EHMT1: variants seen among roughly 807,000 people sequenced by gnomAD.
EHMT1 encodes histone-lysine N-methyltransferase EHMT1.
EHMT1 carries 15 observed loss-of-function variants against 147.2 expected under a neutral mutation model. The ratio of observed to expected loss-of-function variants is 0.10; its 90% CI spans 0.07 to 0.16. The LOEUF (loss-of-function observed/expected upper bound fraction) is 0.16. EHMT1 is among the 10% of genes least tolerant of loss of function. EHMT1 has a pLI of 1.00. For missense variants in EHMT1, 1,587 were observed against 1,772.4 expected (o/e 0.90, Z 1.88); for synonymous variants, 795 against 709.6 (o/e 1.12, Z -1.91).
In EHMT1 at chr9:137,798,909, T is replaced by G. The variant is rs1335937202; in HGVS notation, c.2602T>G (p.Cys868Gly). 6.2e-7 allele frequency: 1 copy of G among 1,613,440 alleles called. No individual in the cohort carries two copies. The highest frequency in any genetic ancestry group is 8.5e-7 in the Non-Finnish European group (1 of 1,179,404). Residue 868 changes from cysteine to glycine, a missense_variant, in exon 17 of 27, where the codon TGT becomes GGT. By Grantham distance (159) the Cys-to-Gly change is radical. Coordinates refer to ENST00000460843, the MANE Select transcript of EHMT1 (RefSeq NM_024757.5). ...LLSNGQMDVNCQDDGGWTPMI... is the reference protein window; with the variant it reads ...LLSNGQMDVNGQDDGGWTPMI... ...TTCAAATGGACAGATGGACGTCAAC[T>G]GTCAGGTACAGCCACCCCCTCCCCT...
rs945135952 is a variant in EHMT1, at chr9:137,782,492, A to G, written c.2382+95A>G. 4.1e-6 allele frequency: 5 copies of G among 1,206,672 alleles called. No individual in the cohort carries two copies. The highest frequency in any genetic ancestry group is 1.3e-5 in the South Asian group (1 of 76,788). The allele number at this position is 1,206,672 out of a possible 1,614,324, so 74.7% of individuals were successfully genotyped here. A position where few individuals can be genotyped will look rare whatever the true frequency, so the allele number is the denominator to read the frequency against. On this transcript the variant is annotated intron_variant, in intron 15 of 26. Transcript: ENST00000460843. The surrounding 1 kb of genome is among the most constrained non-coding windows in gnomAD (Gnocchi z 5.7). ...ACCACGTTCGCGGTTCTTCCAGTGTAAGAGTTCCGTAGTGCTGTGAATCGG... is the reference window on the plus strand; with the variant it reads ...ACCACGTTCGCGGTTCTTCCAGTGTGAGAGTTCCGTAGTGCTGTGAATCGG...
chr9:137,642,948 C>T (rs536706034), intron 1 of EHMT1, among the ~76,000 whole-genome samples: 46 of 152,180 alleles, frequency 3.0e-4, no homozygotes, highest in Non-Finnish European at 5.9e-4. Context: ...GTGGCACAAT[C>T]ATAGCACTGC....
intron 10 of EHMT1, among the ~76,000 whole-genome samples, chr9:137,766,151 G>A (rs530714542): frequency 2.6e-5 from 4 of 152,320 alleles, no homozygotes; most frequent in Admixed American, 2.6e-4. Context: ...TGAGTGTGGG[G>A]AGGGTTTAGC....
chr9:137,723,460 T>C (rs1946284820), intron 3 of EHMT1, among the ~76,000 whole-genome samples: 1 of 136,986 alleles, frequency 7.3e-6, no homozygotes, highest in Non-Finnish European at 1.6e-5. Flanking sequence ...GTGTCTGTGG[T>C]TCTGGGCCTG....
intron 25 of EHMT1, among the ~76,000 whole-genome samples, chr9:137,825,422 T>G (rs1955744012): frequency 6.6e-6 from 1 of 152,190 alleles, no homozygotes; most frequent in Admixed American, 6.5e-5. Context: ...CATCTGGCCT[T>G]TACCATTTCC....
intron 1 of EHMT1, among the ~76,000 whole-genome samples, chr9:137,668,902 T>C (rs532142797): frequency 6.6e-6 from 1 of 152,296 alleles, no homozygotes; most frequent in South Asian, 2.1e-4. Context: ...TTTTCTTTTT[T>C]TGGAGACGGA....
In EHMT1 at chr9:137,768,442, C is replaced by T. The variant is rs1293794068; in HGVS notation, c.1647+5622C>T. Among the ~76,000 whole-genome samples the T allele has an allele frequency of 4.7e-5, 7 of 147,862 alleles. No homozygotes were observed. The East Asian group carries it at 9.8e-4, about 21-fold the overall frequency. On this transcript the variant is annotated intron_variant, in intron 10 of 26. Transcript: ENST00000460843. ...GATCTCGGCTCACTGCAATCGCTGC[C>T]TCCCAGGTTCAAGCGATTCTTTTGC...
At chr9:137,619,140 G>A in intron 1 of EHMT1, 91 bp downstream of exon 1, 1 of 336,684 alleles carries the variant, frequency 3.0e-6, no homozygotes, top group Non-Finnish European at 4.1e-6. Context: ...GGCGGCGGCA[G>A]GCGGCCGGCG....
chr9:137,660,506 G>A (rs753651661), intron 1 of EHMT1, among the ~76,000 whole-genome samples: 3 of 151,958 alleles, frequency 2.0e-5, no homozygotes, highest in Non-Finnish European at 4.4e-5. Flanking sequence ...TCACTCTCTT[G>A]GCCAGACTGG....
intron 1 of EHMT1, among the ~76,000 whole-genome samples, chr9:137,691,022 C>T (rs1942884180): frequency 1.3e-5 from 2 of 152,298 alleles, no homozygotes; most frequent in South Asian, 4.1e-4. Context: ...CATTGTGCTG[C>T]TGTTACCACC....
chr9:137,674,227 G>A (rs1021146518), intron 1 of EHMT1, among the ~76,000 whole-genome samples: 2 of 152,152 alleles, frequency 1.3e-5, no homozygotes, highest in Non-Finnish European at 2.9e-5. Flanking sequence ...GGGGCTGCAC[G>A]TGTGACCCGC....
chr9:137,723,907 CA>C (rs1179503765), intron 3 of EHMT1, among the ~76,000 whole-genome samples: 2 of 152,226 alleles, frequency 1.3e-5, no homozygotes, highest in Non-Finnish European at 2.9e-5. Context: ...TAATCCCCAT[CA>C]TAAAGCCCCA....
At chr9:137,807,484 TA>T (rs1954046344) in intron 18 of EHMT1, among the ~76,000 whole-genome samples, 1 of 127,558 alleles carries the variant, frequency 7.8e-6, no homozygotes, top group Non-Finnish European at 1.5e-5. Flanking sequence ...TTTACTTATT[TA>T]TTTATTTATT....
chr9:137,743,237 T>C, intron 4 of EHMT1, 134 bp from the exon 5 acceptor site: 1 of 1,081,996 alleles, frequency 9.2e-7, no homozygotes, highest in Non-Finnish European at 1.3e-6. Flanking sequence ...CTGCGGGCAG[T>C]GGGCCTGTTG....
At chr9:137,692,218 G>A (rs532483050) in intron 1 of EHMT1, among the ~76,000 whole-genome samples, 79 of 151,742 alleles carry the variant, frequency 5.2e-4, no homozygotes, top group African/African-American at 1.9e-3. Context: ...ATGGCATGTC[G>A]TCACTAGATG....
At chr9:137,653,071 G>T (rs1938040980) in intron 1 of EHMT1, among the ~76,000 whole-genome samples, 1 of 152,154 alleles carries the variant, frequency 6.6e-6, no homozygotes, top group Admixed American at 6.6e-5. Flanking sequence ...AAAGCCTACA[G>T]TAGTGTATAG....
At chr9:137,746,400 C>G (rs1712987689) in intron 6 of EHMT1, 1 of 152,240 alleles carries the variant, frequency 6.6e-6, no homozygotes, top group Non-Finnish European at 1.5e-5. Flanking sequence ...CAGGCGTGAG[C>G]CACCACGCCC....
At chr9:137,641,231 G>T in intron 1 of EHMT1, 1 of 422,322 alleles carries the variant, frequency 2.4e-6, no homozygotes. Context: ...CTTCCTACTG[G>T]CTTTATTCTG....
rs765481057 is a variant in EHMT1 at position 137,779,622 on chromosome 9, G to A, written c.2193-13G>A. On this transcript the variant is annotated splice_polypyrimidine_tract_variant and intron_variant, in intron 13 of 26. Transcript: ENST00000460843. ...AGAGCCCCATGCTGACTGTTGTCTT[G>A]TGCTTCCCACAGACCCAAGAAGCTT... 1.2e-6 allele frequency: 2 copies of A among 1,613,686 alleles called. No homozygotes were observed. Among genetic ancestry groups the A allele is most frequent in the South Asian group, 1.1e-5 (1 of 91,090 alleles).
Sources: allele counts gnomAD v4.1 joint callset (sites outside exome capture counted in the v4.1 genomes callset), GRCh38; gene constraint gnomAD v4.1.1; non-coding constraint Gnocchi (gnomAD v3.1); transcripts MANE v1.5; gene names NCBI Gene and HGNC (gene_info 2026-07-23, HGNC 2026-07-21).